HEPACAM: variants seen among roughly 807,000 people sequenced by gnomAD.
HEPACAM encodes hepatic and glial cell adhesion molecule.
In HEPACAM, 18 loss-of-function variants were observed where a neutral mutation model predicts 38.3. The observed-to-expected ratio is 0.47, with a 90% confidence interval of 0.33 to 0.70. The LOEUF is 0.70. HEPACAM is among the 30% of genes least tolerant of loss of function. The pLI, the probability that HEPACAM is intolerant of heterozygous loss-of-function variation, is 0.03. For missense variants in HEPACAM, 466 were observed against 563.0 expected, an observed-to-expected ratio of 0.83 and a Z score of 1.74; for synonymous variants, 216 against 243.1, an observed-to-expected ratio of 0.89 and a Z score of 1.04.
At chr11:124,931,708 A>G (rs983006544) in intron 1 of HEPACAM, among the ~76,000 whole-genome samples, 1 of 152,190 alleles carries the variant, frequency 6.6e-6, no homozygotes, top group African/African-American at 2.4e-5. Flanking sequence ...AAGCAATTCT[A>G]CTCCTAGATG....
In HEPACAM at chr11:124,924,606, C is replaced by T. The variant is rs1484972606; in HGVS notation, c.427+122G>A. ...CTGCCAACTTCTAATGTCCACTTGC[C>T]TCATTCTCAGCTCCCAAGTGCCTTT... On this transcript the variant is annotated intron_variant, in intron 2 of 6. Transcript: ENST00000298251. This position sits in a 1 kb window ranked among gnomAD's most constrained non-coding sequence, Gnocchi z 4.4. The T allele has an allele frequency of 4.6e-6, 4 of 866,160 alleles. No individual in the cohort carries two copies. The African/African-American group carries it at 4.9e-5, about 11-fold the overall frequency. The allele number at this position is 866,160 out of a possible 1,614,324, so 53.7% of individuals were successfully genotyped here. A position where few individuals can be genotyped will look rare whatever the true frequency, so the allele number is the denominator to read the frequency against.
chr11:124,919,500 TC>T lies in HEPACAM; in HGVS notation c.*1637del, dbSNP rs544201825. 9.9e-5 allele frequency: 54 copies of T among 545,648 alleles called. 1 individual carries two copies. Among genetic ancestry groups the T allele is most frequent in the South Asian group, 9.5e-4 (40 of 42,212 alleles). The allele number at this position is 545,648 out of a possible 1,614,324, so 33.8% of individuals were successfully genotyped here. A position where few individuals can be genotyped will look rare whatever the true frequency, so the allele number is the denominator to read the frequency against. On this transcript the variant is annotated 3_prime_UTR_variant, in exon 7 of 7. Coordinates refer to ENST00000298251, the MANE Select transcript of HEPACAM (RefSeq NM_152722.5). The stretch of plus-strand genomic sequence containing the variant: ...CATCTCAAGGCTGACCAGCAGGTAC[TC>T]CTTATCCAAGTCCTGCTGCCTCTTC...
chr11:124,931,588 G>A (rs753638770), intron 1 of HEPACAM, among the ~76,000 whole-genome samples: 1 of 152,202 alleles, frequency 6.6e-6, no homozygotes, highest in Admixed American at 6.5e-5. Context: ...GGAAGATATG[G>A]ATCATCTGAA....
intron 1 of HEPACAM, among the ~76,000 whole-genome samples, chr11:124,935,685 G>C (rs1035476555): frequency 6.6e-6 from 1 of 152,190 alleles, no homozygotes; most frequent in African/African-American, 2.4e-5. Flanking sequence ...GAATGCCGTG[G>C]GAGCTCCAAA....
rs1947124524 is a variant in HEPACAM at position 124,920,982 on chromosome 11, C to T, written c.*156G>A. 2.9e-6 allele frequency: 4 copies of T among 1,364,934 alleles called. No homozygotes were observed. The highest frequency in any genetic ancestry group is 1.7e-5 in the South Asian group (1 of 58,504). 84.6% of individuals were successfully genotyped at this position (1,364,934 alleles called of 1,614,324 possible). A position where few individuals can be genotyped will look rare whatever the true frequency, so the allele number is the denominator to read the frequency against. On this transcript the variant is annotated 3_prime_UTR_variant, in exon 7 of 7. Coordinates refer to ENST00000298251, the MANE Select transcript of HEPACAM (RefSeq NM_152722.5). ...GCCGCCTCCGCGCACCCGCCTCCGTCTGCGCATGCTCATACACGTTCACAC... is the reference window on the plus strand; with the variant it reads ...GCCGCCTCCGCGCACCCGCCTCCGTTTGCGCATGCTCATACACGTTCACAC...
chr11:124,924,981 G>A lies in HEPACAM; in HGVS notation c.174C>T (p.Ser58=), dbSNP rs539432353. The change falls in exon 2 of 7, where the codon AGC becomes AGT. Residue 58 remains serine, a synonymous_variant. Coordinates refer to ENST00000298251, the MANE Select transcript of HEPACAM (RefSeq NM_152722.5). This position sits in a 1 kb window ranked among gnomAD's most constrained non-coding sequence, Gnocchi z 4.4. ...GKSALLSVQY[S]STSSDRPVVK... ...CTACAGGCCTGTCGCTGCTGGTACT[G>A]CTGTACTGCACAGAAAGCAGAGCCG... 3.1e-6 allele frequency: 5 copies of A among 1,613,372 alleles called. No homozygotes were observed. Among genetic ancestry groups the A allele is most frequent in the East Asian group, 4.5e-5 (2 of 44,864 alleles).
At chr11:124,932,614 G>C (rs4331116) in intron 1 of HEPACAM, among the ~76,000 whole-genome samples, 75,215 of 151,826 alleles carry the variant, frequency 0.5, 19,903 homozygotes, top group East Asian at 0.83. Context: ...TCTTGGGGAG[G>C]CAGGGCCACA....
At chr11:124,930,896 A>T (rs1947274399) in intron 1 of HEPACAM, among the ~76,000 whole-genome samples, 1 of 152,250 alleles carries the variant, frequency 6.6e-6, no homozygotes, top group Non-Finnish European at 1.5e-5. Context: ...AACATTTGAA[A>T]AAGAAAACAG....
At position 124,924,845 on chromosome 11, in the gene HEPACAM, T is replaced by A. The variant is rs745513992; in HGVS notation, c.310A>T (p.Asn104Tyr). The change falls in exon 2 of 7, where the codon AAT becomes TAT. Residue 104 changes from asparagine to tyrosine, a missense_variant. Transcript: ENST00000298251. This position sits in a 1 kb window ranked among gnomAD's most constrained non-coding sequence, Gnocchi z 4.4. The part of the protein sequence containing the change: ...DYRDRIRLFE[N>Y]GSLLLSDLQL... ...AGGTCGCTGAGAAGCAGGGAGCCAT[T>A]TTCAAAGAGTCGGATACGGTCTCGA... The A allele has an allele frequency of 6.2e-7, 1 of 1,614,134 alleles. No homozygotes were observed. Among genetic ancestry groups the A allele is most frequent in the Non-Finnish European group, 8.5e-7 (1 of 1,180,016 alleles).
chr11:124,924,942 C>T lies in HEPACAM; in HGVS notation c.213G>A (p.Leu71=). The change falls in exon 2 of 7, where the codon CTG becomes CTA. Residue 71 remains leucine, a synonymous_variant. Transcript: ENST00000298251. The surrounding 1 kb of genome is among the most constrained non-coding windows in gnomAD (Gnocchi z 4.4). ...CCACGGTCACTGGCTTGTCCCGCTT[C>T]AGCTGCCACTTCACTACAGGCCTGT... is the stretch of plus-strand genomic sequence containing the variant. ...SSDRPVVKWQ[L]KRDKPVTVVQ... 7 of 1,614,116 alleles carry T rather than the reference C, an allele frequency of 4.3e-6. No individual in the cohort carries two copies. The highest frequency in any genetic ancestry group is 5.9e-6 in the Non-Finnish European group (7 of 1,180,022).
chr11:124,922,315 A>AT, intron 6 of HEPACAM, 73 bp downstream of exon 6: 1 of 1,400,684 alleles, frequency 7.1e-7, no homozygotes, highest in Non-Finnish European at 1.0e-6. Flanking sequence ...GGAATATAGT[A>AT]TGGCTCCCTA....
chr11:124,929,454 G>T (rs929604090), intron 1 of HEPACAM, among the ~76,000 whole-genome samples: 1 of 152,140 alleles, frequency 6.6e-6, no homozygotes, highest in Non-Finnish European at 1.5e-5. Context: ...TTAAGTTCAG[G>T]GTTCCACAAC....
chr11:124,922,294 A>G (rs984862298), intron 6 of HEPACAM, 94 bp downstream of exon 6: 5 of 1,308,482 alleles, frequency 3.8e-6, no homozygotes, highest in African/African-American at 1.5e-5. Flanking sequence ...GACTGCTGCT[A>G]TAAAGGGATA....
In HEPACAM at chr11:124,919,945, G is replaced by A; in HGVS notation, c.*1193C>T. Reference sequence around the variant, plus strand: ...TAGATTACTGCCACTCCTATGAACTGTTCAATAGGCGGTGGCATGGGCATG... The same window carrying A: ...TAGATTACTGCCACTCCTATGAACTATTCAATAGGCGGTGGCATGGGCATG... On this transcript the variant is annotated 3_prime_UTR_variant, in exon 7 of 7. Coordinates refer to ENST00000298251, the MANE Select transcript of HEPACAM (RefSeq NM_152722.5). 1 of 1,613,912 alleles carries A rather than the reference G, an allele frequency of 6.2e-7. No individual in the cohort carries two copies. Among genetic ancestry groups the A allele is most frequent in the East Asian group, 2.2e-5 (1 of 44,878 alleles).
At position 124,921,738 on chromosome 11, in the gene HEPACAM, C is replaced by T. The variant is rs1414914719; in HGVS notation, c.949-298G>A. Among the ~76,000 whole-genome samples, 1 of 152,160 alleles carries T rather than the reference C, an allele frequency of 6.6e-6. No individual in the cohort carries two copies. The highest frequency in any genetic ancestry group is 1.5e-5 in the Non-Finnish European group (1 of 68,020). On this transcript the variant is annotated intron_variant, in intron 6 of 6. Coordinates refer to ENST00000298251, the MANE Select transcript of HEPACAM (RefSeq NM_152722.5). The surrounding 1 kb of genome is among the most constrained non-coding windows in gnomAD (Gnocchi z 4.6). The stretch of plus-strand genomic sequence containing the variant: ...GCCTGGGACAGTTAGTTGTGGAATA[C>T]TGGGGAAATCACCAGAACTGGTGTC...
At chr11:124,935,150 C>G (rs571267613) in intron 1 of HEPACAM, among the ~76,000 whole-genome samples, 44 of 152,286 alleles carry the variant, frequency 2.9e-4, no homozygotes, top group Non-Finnish European at 5.3e-4. Context: ...ACCAACACCC[C>G]CTCCACCAGC....
At chr11:124,922,501 T>G (rs761656067) in intron 5 of HEPACAM, 43 bp from the exon 6 acceptor site, 38 of 1,606,182 alleles carry the variant, frequency 2.4e-5, no homozygotes, top group Non-Finnish European at 3.2e-5. Context: ...AGGTACAGAC[T>G]CTCCCCACCA....
rs758083325 is a variant in HEPACAM at position 124,921,574 on chromosome 11, A to C, written c.949-134T>G. The C allele has an allele frequency of 2.0e-5, 10 of 496,016 alleles. No individual in the cohort carries two copies. Among genetic ancestry groups the C allele is most frequent in the Non-Finnish European group, 2.5e-5 (8 of 317,052 alleles). The allele number at this position is 496,016 out of a possible 1,614,324, so 30.7% of individuals were successfully genotyped here. A position where few individuals can be genotyped will look rare whatever the true frequency, so the allele number is the denominator to read the frequency against. ...GCACGCCCACCTCCTGGAAGGCTGCAGACAGGTCTGGTTTTCCTGGCGATA... is the reference window on the plus strand; with the variant it reads ...GCACGCCCACCTCCTGGAAGGCTGCCGACAGGTCTGGTTTTCCTGGCGATA... On this transcript the variant is annotated intron_variant, in intron 6 of 6. Coordinates refer to ENST00000298251, the MANE Select transcript of HEPACAM (RefSeq NM_152722.5). The surrounding 1 kb of genome is among the most constrained non-coding windows in gnomAD (Gnocchi z 4.6).
intron 1 of HEPACAM, among the ~76,000 whole-genome samples, chr11:124,935,660 G>A (rs977947166): frequency 8.5e-5 from 13 of 152,180 alleles, no homozygotes; most frequent in African/African-American, 2.7e-4. Flanking sequence ...CCCAGTGCCC[G>A]CCATCTAATG....
Sources: allele counts gnomAD v4.1 joint callset (sites outside exome capture counted in the v4.1 genomes callset), GRCh38; gene constraint gnomAD v4.1.1; non-coding constraint Gnocchi (gnomAD v3.1); transcripts MANE v1.5; gene names NCBI Gene and HGNC (gene_info 2026-07-23, HGNC 2026-07-21).